The following HCN1 variants were observed in gnomAD, a reference collection of about 807,000 sequenced individuals.
HCN1 encodes hyperpolarization activated cyclic nucleotide gated potassium channel 1, also known as potassium/sodium hyperpolarization-activated cyclic nucleotide-gated channel 1.
A neutral mutation model predicts 78.9 loss-of-function variants in HCN1; 13 were observed. The observed-to-expected ratio is 0.16, with a 90% CI of 0.11 to 0.26. The LOEUF is 0.26. Among genes scored for constraint, HCN1 ranks in the 10% least tolerant of loss-of-function variants. The pLI, the probability that HCN1 is intolerant of heterozygous loss-of-function variation, is 1.00. For synonymous variants in HCN1, 552 were observed against 455.5 expected, an observed-to-expected ratio of 1.21 and a Z score of -2.70; for missense variants, 810 against 1,154.3, an observed-to-expected ratio of 0.70 and a Z score of 4.32.
At chr5:45,364,185 T>G (rs1231236356) in intron 4 of HCN1, among the ~76,000 whole-genome samples, 1 of 152,072 alleles carries the variant, frequency 6.6e-6, no homozygotes, top group Non-Finnish European at 1.5e-5. Context: ...TAGTTGGTAT[T>G]TCCAAAGACT....
intron 5 of HCN1, among the ~76,000 whole-genome samples, chr5:45,332,774 C>A (rs1216384434): frequency 2.0e-5 from 3 of 151,578 alleles, no homozygotes; most frequent in Non-Finnish European, 4.4e-5. Flanking sequence ...TTTCACTTAG[C>A]AGAGTGACCT....
chr5:45,494,114 C>G (rs1221365169), intron 2 of HCN1, among the ~76,000 whole-genome samples: 3 of 151,988 alleles, frequency 2.0e-5, no homozygotes, highest in East Asian at 3.9e-4. Flanking sequence ...GGGTATATAC[C>G]CAGTAATGGG....
At chr5:45,652,195 T>C (rs1017023016) in intron 1 of HCN1, among the ~76,000 whole-genome samples, 1 of 152,088 alleles carries the variant, frequency 6.6e-6, no homozygotes, top group Non-Finnish European at 1.5e-5. Context: ...CCCCTTCTCC[T>C]GAAACTGTAT....
intron 2 of HCN1, among the ~76,000 whole-genome samples, chr5:45,611,936 G>T (rs981303179): frequency 1.3e-5 from 2 of 152,014 alleles, no homozygotes; most frequent in African/African-American, 4.8e-5. Flanking sequence ...AAAAAATATA[G>T]ATCTGAAGTG....
chr5:45,435,441 A>C (rs1740543156), intron 3 of HCN1, among the ~76,000 whole-genome samples: 1 of 152,170 alleles, frequency 6.6e-6, no homozygotes, highest in Admixed American at 6.5e-5. Flanking sequence ...CTGTAAAATC[A>C]ATATGAAATA....
At chr5:45,298,254 G>A (rs191479161) in intron 6 of HCN1, among the ~76,000 whole-genome samples, 1 of 151,970 alleles carries the variant, frequency 6.6e-6, no homozygotes, top group African/African-American at 2.4e-5. Flanking sequence ...AGAACTGGTA[G>A]CTTTATAAAC....
chr5:45,388,109 C>A (rs192114902), intron 4 of HCN1, among the ~76,000 whole-genome samples: 2 of 152,230 alleles, frequency 1.3e-5, no homozygotes, highest in East Asian at 1.9e-4. Context: ...GGCCTTACAG[C>A]TACTATTGTT....
chr5:45,586,472 C>T (rs573909797), intron 2 of HCN1, among the ~76,000 whole-genome samples: 35 of 152,252 alleles, frequency 2.3e-4, no homozygotes, highest in Admixed American at 3.9e-4. Flanking sequence ...TTGCGCTTCC[C>T]GGGTGAGGCG....
At chr5:45,401,341 G>A (rs1199580244) in intron 3 of HCN1, among the ~76,000 whole-genome samples, 1 of 152,078 alleles carries the variant, frequency 6.6e-6, no homozygotes, top group Non-Finnish European at 1.5e-5. Context: ...CATCTCTAAT[G>A]AAATTTTTTT....
rs1554034748 is a variant in HCN1 at position 45,593,370 on chromosome 5, A to ACACCCC, written c.849+51814_849+51815insGGGGTG. Among the ~76,000 whole-genome samples, 362 of 134,918 alleles carry ACACCCC rather than the reference A, an allele frequency of 2.7e-3. 2 individuals are homozygous for ACACCCC. Among genetic ancestry groups the ACACCCC allele is most frequent in the African/African-American group, 9.8e-3 (343 of 35,028 alleles). The allele number at this position is 134,918 out of a possible 152,430, so 88.5% of individuals were successfully genotyped here. A position where few individuals can be genotyped will look rare whatever the true frequency, so the allele number is the denominator to read the frequency against. ...CACACACACACACACACACACACAC[A>ACACCCC]CCCCACATGTAAGATGCAGGACACA... is the stretch of plus-strand genomic sequence containing the variant. On this transcript the variant is annotated intron_variant, in intron 2 of 7. Coordinates refer to ENST00000303230, the MANE Select transcript of HCN1 (RefSeq NM_021072.4).
At chr5:45,587,318 G>T (rs1322415287) in intron 2 of HCN1, among the ~76,000 whole-genome samples, 3 of 152,164 alleles carry the variant, frequency 2.0e-5, no homozygotes, top group Non-Finnish European at 2.9e-5. Flanking sequence ...ATCAATGATT[G>T]ATTGGATTAA....
At chr5:45,355,097 A>C (rs1445821351) in intron 4 of HCN1, among the ~76,000 whole-genome samples, 1 of 152,008 alleles carries the variant, frequency 6.6e-6, no homozygotes, top group African/African-American at 2.4e-5. Context: ...TCCTCACACA[A>C]GTCATTTAAC....
intron 2 of HCN1, among the ~76,000 whole-genome samples, chr5:45,566,788 C>T (rs1189880941): frequency 6.6e-6 from 1 of 152,140 alleles, no homozygotes; most frequent in Non-Finnish European, 1.5e-5. Context: ...GGGTTCCTCC[C>T]TATGAGGAAA....
At chr5:45,402,136 G>A (rs561165605) in intron 3 of HCN1, among the ~76,000 whole-genome samples, 1 of 152,232 alleles carries the variant, frequency 6.6e-6, no homozygotes, top group South Asian at 2.1e-4. Context: ...AGGAGGGAAT[G>A]AGGAGCATAC....
intron 3 of HCN1, among the ~76,000 whole-genome samples, chr5:45,434,332 G>C (rs1740521985): frequency 6.6e-6 from 1 of 152,140 alleles, no homozygotes; most frequent in Non-Finnish European, 1.5e-5. Flanking sequence ...TAGGACATCT[G>C]CACCAGCACT....
chr5:45,341,077 T>A (rs1746569994), intron 5 of HCN1, among the ~76,000 whole-genome samples: 1 of 152,228 alleles, frequency 6.6e-6, no homozygotes, highest in Non-Finnish European at 1.5e-5. Flanking sequence ...GTCTTTTTAT[T>A]TGATCTTTAT....
At chr5:45,655,089 A>C (rs1041732208) in intron 1 of HCN1, among the ~76,000 whole-genome samples, 1 of 152,154 alleles carries the variant, frequency 6.6e-6, no homozygotes, top group African/African-American at 2.4e-5. Context: ...GCACAAAATC[A>C]AACACGTAAC....
intron 4 of HCN1, among the ~76,000 whole-genome samples, chr5:45,359,960 T>TATATA (rs1491183139): frequency 6.7e-6 from 1 of 149,654 alleles, no homozygotes; most frequent in African/African-American, 2.5e-5. Context: ...TATATATATA[T>TATATA]TTTTTTTACC....
chr5:45,535,535 T>G (rs1401591710), intron 2 of HCN1, among the ~76,000 whole-genome samples: 1 of 151,814 alleles, frequency 6.6e-6, no homozygotes, highest in Non-Finnish European at 1.5e-5. Flanking sequence ...GAGGTGGAGG[T>G]TGCAGTGAGT....
Sources: allele counts gnomAD v4.1 joint callset (sites outside exome capture counted in the v4.1 genomes callset), GRCh38; gene constraint gnomAD v4.1.1; transcripts MANE v1.5; gene names NCBI Gene and HGNC (gene_info 2026-07-23, HGNC 2026-07-21).